Variants in KCNH8 observed in about 807,000 individuals in gnomAD.
KCNH8 encodes voltage-gated delayed rectifier potassium channel KCNH8.
KCNH8 carries 70 observed loss-of-function variants against 103.6 expected under a neutral mutation model. That is an observed-to-expected ratio of 0.68 (90% CI 0.56 to 0.82). The LOEUF (loss-of-function observed/expected upper bound fraction) is 0.82. KCNH8 is among the 40% of genes least tolerant of loss of function. The pLI, the probability that KCNH8 is intolerant of heterozygous loss-of-function variation, is 0.00. For synonymous variants in KCNH8, 498 were observed against 489.4 expected (o/e 1.02, Z -0.23); for missense variants, 1,217 against 1,329.9 (o/e 0.92, Z 1.32).
At chr3:19,160,511 A>G (rs2063223573) in intron 1 of KCNH8, among the ~76,000 whole-genome samples, 1 of 152,114 alleles carries the variant, frequency 6.6e-6, no homozygotes, top group Admixed American at 6.6e-5. Flanking sequence ...AGTACATAGC[A>G]GCTACTAATC....
At chr3:19,522,183 A>G (rs1003908887) in intron 15 of KCNH8, among the ~76,000 whole-genome samples, 5 of 151,916 alleles carry the variant, frequency 3.3e-5, no homozygotes, top group Non-Finnish European at 7.4e-5. Context: ...AAAAAAAATG[A>G]GCTTTGTAGA....
chr3:19,381,862 T>C (rs1050661149), intron 5 of KCNH8, among the ~76,000 whole-genome samples: 5 of 152,134 alleles, frequency 3.3e-5, no homozygotes, highest in Admixed American at 2.6e-4. Context: ...GCTCCAGCAA[T>C]TGGATTAATA....
At chr3:19,260,583 G>C (rs11925510) in intron 2 of KCNH8, among the ~76,000 whole-genome samples, 1 of 139,136 alleles carries the variant, frequency 7.2e-6, no homozygotes, top group African/African-American at 2.6e-5. Flanking sequence ...TTATCTCACA[G>C]AGTTACCCAC....
At chr3:19,185,205 A>C (rs2063490884) in intron 1 of KCNH8, among the ~76,000 whole-genome samples, 1 of 151,860 alleles carries the variant, frequency 6.6e-6, no homozygotes, top group Non-Finnish European at 1.5e-5. Context: ...AGTCCTGCCA[A>C]ATTATTTTTT....
intron 3 of KCNH8, among the ~76,000 whole-genome samples, chr3:19,285,347 A>T (rs942314698): frequency 1.3e-5 from 2 of 152,070 alleles, no homozygotes; most frequent in Admixed American, 6.6e-5. Flanking sequence ...AATCCTTTCC[A>T]CTAAATTTTG....
intron 2 of KCNH8, among the ~76,000 whole-genome samples, chr3:19,267,837 G>A (rs1203045521): frequency 1.3e-5 from 2 of 152,082 alleles, no homozygotes; most frequent in African/African-American, 4.8e-5. Flanking sequence ...GTGATTTTGA[G>A]CAATTAACTT....
chr3:19,306,452 C>G lies in KCNH8; in HGVS notation c.442+25123C>G, dbSNP rs1382609259. 2.0e-5 allele frequency among the ~76,000 whole-genome samples: 3 copies of G among 151,910 alleles called. No individual in the cohort carries two copies. In the East Asian group the frequency reaches 5.8e-4, roughly 29 times the overall value. On this transcript the variant is annotated intron_variant, in intron 3 of 15. Transcript: ENST00000328405. ...AGAGGGTCAATGGTCTTGGTAGGAC[C>G]AGGAGTTCTCTGCAGAGAAAGAGTC...
At chr3:19,378,679 A>C (rs2066245754) in intron 5 of KCNH8, among the ~76,000 whole-genome samples, 1 of 152,206 alleles carries the variant, frequency 6.6e-6, no homozygotes, top group African/African-American at 2.4e-5. Flanking sequence ...CAGGTACCAC[A>C]ATCTATTTTA....
At chr3:19,508,985 C>T (rs1340781133) in intron 11 of KCNH8, among the ~76,000 whole-genome samples, 1 of 152,172 alleles carries the variant, frequency 6.6e-6, no homozygotes, top group Non-Finnish European at 1.5e-5. Flanking sequence ...TCATGTTCTT[C>T]TGTAATCCAA....
chr3:19,366,648 T>C (rs2066014907), intron 5 of KCNH8, among the ~76,000 whole-genome samples: 1 of 151,978 alleles, frequency 6.6e-6, no homozygotes, highest in Admixed American at 6.6e-5. Flanking sequence ...TTTCCACTTT[T>C]CAAGTATGTT....
chr3:19,201,377 A>G (rs1160706668), intron 1 of KCNH8, among the ~76,000 whole-genome samples: 2 of 151,400 alleles, frequency 1.3e-5, no homozygotes, highest in Non-Finnish European at 2.9e-5. Context: ...GTTTTCTAAC[A>G]TTCAAAATTT....
At chr3:19,435,025 T>C (rs994889596) in intron 7 of KCNH8, among the ~76,000 whole-genome samples, 2 of 151,972 alleles carry the variant, frequency 1.3e-5, no homozygotes, top group Non-Finnish European at 2.9e-5. Flanking sequence ...TAAGAATAAA[T>C]CTTAAATGTT....
At chr3:19,337,666 A>G (rs978458128) in intron 3 of KCNH8, among the ~76,000 whole-genome samples, 32 of 152,104 alleles carry the variant, frequency 2.1e-4, no homozygotes, top group African/African-American at 6.5e-4. Context: ...CTCTGTACGT[A>G]TTTCAAATGT....
At chr3:19,509,698 G>A (rs556332618) in intron 11 of KCNH8, among the ~76,000 whole-genome samples, 2 of 152,298 alleles carry the variant, frequency 1.3e-5, no homozygotes, top group South Asian at 4.1e-4. Context: ...CTGATTGGCA[G>A]CAGTTTTTCT....
intron 3 of KCNH8, among the ~76,000 whole-genome samples, chr3:19,288,178 CTTCTT>C (rs2064860836): frequency 3.8e-5 from 3 of 79,148 alleles, no homozygotes; most frequent in Non-Finnish European, 6.6e-5. Context: ...GTGTATCAAA[CTTCTT>C]TTTTTTTTTT....
intron 3 of KCNH8, among the ~76,000 whole-genome samples, chr3:19,300,907 C>T (rs1358151402): frequency 6.6e-6 from 1 of 151,324 alleles, no homozygotes; most frequent in African/African-American, 2.4e-5. Flanking sequence ...AATCTTTTTT[C>T]TTATTTTTTT....
chr3:19,498,558 C>G (rs1047816047), intron 11 of KCNH8, among the ~76,000 whole-genome samples: 5 of 152,030 alleles, frequency 3.3e-5, no homozygotes, highest in Non-Finnish European at 5.9e-5. Flanking sequence ...CTTTGATCGT[C>G]TGAAGCCTTC....
chr3:19,276,020 G>T (rs1470427443), intron 2 of KCNH8, among the ~76,000 whole-genome samples: 1 of 152,044 alleles, frequency 6.6e-6, no homozygotes, highest in Non-Finnish European at 1.5e-5. Flanking sequence ...TAAAGTGGAG[G>T]GGTAACTTGG....
intron 1 of KCNH8, among the ~76,000 whole-genome samples, chr3:19,212,364 G>T (rs76731095): frequency 0.041 from 6,187 of 152,140 alleles, 442 homozygotes; most frequent in African/African-American, 0.14. Flanking sequence ...CAACTCTCTT[G>T]ATCTTCAAGC....
Sources: allele counts gnomAD v4.1 joint callset (sites outside exome capture counted in the v4.1 genomes callset), GRCh38; gene constraint gnomAD v4.1.1; transcripts MANE v1.5; gene names NCBI Gene and HGNC (gene_info 2026-07-23, HGNC 2026-07-21).